The following EPB41L3 variants were observed in gnomAD, a reference collection of about 807,000 sequenced individuals.
EPB41L3 encodes band 4.1-like protein 3.
EPB41L3 carries 57 observed loss-of-function variants against 127.1 expected under a neutral mutation model. The observed-to-expected ratio is 0.45, with a 90% CI of 0.36 to 0.56. The LOEUF is 0.56. Among genes scored for constraint, EPB41L3 ranks in the 20% least tolerant of loss-of-function variants. EPB41L3 has a pLI of 0.00. For synonymous variants in EPB41L3, 572 were observed against 549.5 expected (o/e 1.04, Z -0.57); for missense variants, 1,273 against 1,372.2 (o/e 0.93, Z 1.14).
chr18:5,540,281 G>A, intron 1 of EPB41L3: 1 of 910,048 alleles, frequency 1.1e-6, no homozygotes, highest in Non-Finnish European at 1.3e-6. Context: ...TACTCTTGGA[G>A]ACACATTTTC....
chr18:5,578,066 C>G (rs1359384235), intron 3 of EPB41L3, among the ~76,000 whole-genome samples: 1 of 152,138 alleles, frequency 6.6e-6, no homozygotes, highest in Non-Finnish European at 1.5e-5. Context: ...AGGGCCAGTT[C>G]CAACCAAGCC....
intron 6 of EPB41L3, among the ~76,000 whole-genome samples, chr18:5,436,410 T>TC (rs1267773349): frequency 3.9e-5 from 5 of 129,782 alleles, no homozygotes; most frequent in African/African-American, 1.5e-4. Context: ...TTTCTTTTTT[T>TC]TTTTTTTTTT....
chr18:5,470,597 G>C (rs987893687), intron 3 of EPB41L3, among the ~76,000 whole-genome samples: 3 of 152,202 alleles, frequency 2.0e-5, no homozygotes, highest in African/African-American at 7.2e-5. Flanking sequence ...ATGAGGCAAA[G>C]GCTTAAGGTT....
chr18:5,560,624 C>T (rs942035215), intron 3 of EPB41L3, among the ~76,000 whole-genome samples: 1 of 152,104 alleles, frequency 6.6e-6, no homozygotes, highest in Non-Finnish European at 1.5e-5. Flanking sequence ...CACCATTTGC[C>T]GCACCGTTCT....
intron 1 of EPB41L3, among the ~76,000 whole-genome samples, chr18:5,531,995 A>C (rs2093427655): frequency 6.6e-6 from 1 of 152,232 alleles, no homozygotes; most frequent in Admixed American, 6.5e-5. Flanking sequence ...CTATCTGTTT[A>C]GCAGTTAACT....
chr18:5,625,792 G>A (rs1304337896), intron 1 of EPB41L3, among the ~76,000 whole-genome samples: 2 of 152,152 alleles, frequency 1.3e-5, no homozygotes, highest in African/African-American at 4.8e-5. Context: ...TTTCACTGAT[G>A]AGGATTTGGT....
intron 3 of EPB41L3, among the ~76,000 whole-genome samples, chr18:5,466,549 C>T (rs942265216): frequency 1.1e-4 from 16 of 152,306 alleles, no homozygotes; most frequent in South Asian, 4.1e-4. Context: ...GCACGCAACA[C>T]GCCACACACA....
chr18:5,439,088 G>T (rs2080288580), intron 5 of EPB41L3, among the ~76,000 whole-genome samples: 1 of 151,852 alleles, frequency 6.6e-6, no homozygotes, highest in Admixed American at 6.6e-5. Flanking sequence ...CTTCTCTGTG[G>T]TGCTGTTCAT....
At chr18:5,599,313 A>G (rs1186041505) in intron 3 of EPB41L3, among the ~76,000 whole-genome samples, 1 of 152,212 alleles carries the variant, frequency 6.6e-6, no homozygotes, top group Non-Finnish European at 1.5e-5. Flanking sequence ...TTCACATCAG[A>G]AAAGCCAAAT....
In EPB41L3 at chr18:5,446,365, C is replaced by T. The variant is rs144777210; in HGVS notation, c.382-1121G>A. ...GTCATTTGGAAAAAAAATTCATCAG[C>T]TTAATTTATTGTGACGTATCATTTT... On this transcript the variant is annotated intron_variant, in intron 3 of 22. Transcript: ENST00000341928. Among the ~76,000 whole-genome samples the T allele has an allele frequency of 3.9e-3, 591 of 152,274 alleles. 5 individuals carry two copies. Among genetic ancestry groups the T allele is most frequent in the African/African-American group, 0.014 (576 of 41,552 alleles).
chr18:5,436,476 T>G (rs933478488), intron 6 of EPB41L3, among the ~76,000 whole-genome samples: 16 of 145,080 alleles, frequency 1.1e-4, no homozygotes, highest in Non-Finnish European at 2.0e-4. Context: ...TGGCGCGATC[T>G]CGGCTCACTG....
chr18:5,547,453 GAAAC>G (rs1256018289), upstream of EPB41L3, among the ~76,000 whole-genome samples: 1 of 152,166 alleles, frequency 6.6e-6, no homozygotes, highest in Non-Finnish European at 1.5e-5. Flanking sequence ...TGCAAATACT[GAAAC>G]AATCCATGGA....
In EPB41L3 at chr18:5,416,358, G is replaced by A. The variant is rs921456771; in HGVS notation, c.1527C>T (p.Asp509=). The change falls in exon 13 of 23, where the codon GAC becomes GAT. Residue 509 remains aspartate (D), a synonymous_variant. Coordinates refer to ENST00000341928, the MANE Select transcript of EPB41L3 (RefSeq NM_012307.5). ...HEGKSPGLGT[D]SCPLSPPSTH... is the part of the protein sequence containing the mutation. ...TGGATGGGGGTGACAAGGGACATGAGTCAGTGCCAAGCCCAGGTGACTGAT... is the reference window on the plus strand; with the variant it reads ...TGGATGGGGGTGACAAGGGACATGAATCAGTGCCAAGCCCAGGTGACTGAT... 1.2e-6 allele frequency: 2 copies of A among 1,613,350 alleles called. No individual in the cohort carries two copies. Among genetic ancestry groups the A allele is most frequent in the South Asian group, 2.2e-5 (2 of 91,062 alleles).
Position 5,543,274 on chromosome 18 carries a change from G to T in EPB41L3, c.-12+639C>A, listed in dbSNP as rs2093794347. 6.6e-6 allele frequency: 1 copy of T among 150,728 alleles called. No homozygotes were observed. The highest frequency in any genetic ancestry group is 2.1e-4 in the South Asian group (1 of 4,838). The allele number at this position is 150,728 out of a possible 1,614,324, so 9.3% of individuals were successfully genotyped here. On this transcript the variant is annotated intron_variant, in intron 1 of 22. Coordinates refer to ENST00000341928, the MANE Select transcript of EPB41L3 (RefSeq NM_012307.5). This position sits in a 1 kb window ranked among gnomAD's most constrained non-coding sequence, Gnocchi z 5.2. ...GAGGCAAGTTATATAAAAGCGGCCG[G>T]CCCCCCTGCCCAGCGGGGATGCTTT... is the stretch of plus-strand genomic sequence containing the variant.
intron 16 of EPB41L3, among the ~76,000 whole-genome samples, chr18:5,401,467 G>C (rs1041705263): frequency 6.6e-6 from 1 of 152,072 alleles, no homozygotes; most frequent in Non-Finnish European, 1.5e-5. Flanking sequence ...TTTCTGACAA[G>C]TATCTTATTG....
At chr18:5,436,835 T>A (rs112724998) in intron 6 of EPB41L3, among the ~76,000 whole-genome samples, 1 of 152,362 alleles carries the variant, frequency 6.6e-6, no homozygotes, top group Non-Finnish European at 1.5e-5. Flanking sequence ...TTTTCTCTGA[T>A]TTATTGCAAT....
At chr18:5,542,391 C>T (rs892578730) in intron 1 of EPB41L3, among the ~76,000 whole-genome samples, 2 of 152,192 alleles carry the variant, frequency 1.3e-5, no homozygotes, top group Non-Finnish European at 2.9e-5. Context: ...GCTTCCTGTA[C>T]TATAGAAGTT....
intron 1 of EPB41L3, among the ~76,000 whole-genome samples, chr18:5,616,467 T>C (rs1411023545): frequency 2.0e-5 from 3 of 152,132 alleles, no homozygotes; most frequent in Non-Finnish European, 4.4e-5. Flanking sequence ...CAATATTATA[T>C]ATATTATATC....
At chr18:5,586,481 C>G (rs1376241329) in intron 3 of EPB41L3, among the ~76,000 whole-genome samples, 1 of 150,886 alleles carries the variant, frequency 6.6e-6, no homozygotes, top group Admixed American at 6.6e-5. Flanking sequence ...CTAACTGCAG[C>G]CTTGACCTTC....
Sources: allele counts gnomAD v4.1 joint callset (sites outside exome capture counted in the v4.1 genomes callset), GRCh38; gene constraint gnomAD v4.1.1; non-coding constraint Gnocchi (gnomAD v3.1); transcripts MANE v1.5; gene names NCBI Gene and HGNC (gene_info 2026-07-23, HGNC 2026-07-21).